Variants in DHRSX observed in about 807,000 individuals in gnomAD.
The protein encoded by DHRSX is polyprenol dehydrogenase.
In DHRSX, 31 loss-of-function variants were observed where a neutral mutation model predicts 34.0. That is an observed-to-expected ratio of 0.91 (90% CI 0.69 to 1.23). The LOEUF is 1.23. DHRSX is among the 50% of genes most tolerant of loss of function. The pLI is 0.00. For missense variants in DHRSX, 414 were observed against 428.1 expected (o/e 0.97, Z 0.29); for synonymous variants, 201 against 183.8 (o/e 1.09, Z -0.76).
chrX:2,358,951 A>G (rs969316742), intron 3 of DHRSX, among the ~76,000 whole-genome samples: 3 of 78,446 alleles, frequency 3.8e-5, no homozygotes, highest in Non-Finnish European at 6.4e-5. Context: ...TCTGTCTCGG[A>G]AAAAAAAAAA....
intron 3 of DHRSX, among the ~76,000 whole-genome samples, chrX:2,359,319 C>G (rs2042897860): frequency 6.6e-6 from 1 of 152,168 alleles, no homozygotes; most frequent in African/African-American, 2.4e-5. Flanking sequence ...GTGGCAGCAC[C>G]TTTCACAATA....
intron 3 of DHRSX, among the ~76,000 whole-genome samples, chrX:2,356,134 G>C (rs2042848761): frequency 6.6e-6 from 1 of 151,568 alleles, no homozygotes; most frequent in Admixed American, 6.6e-5. Context: ...CCAGCACTTT[G>C]GGAGGCCGAG....
chrX:2,241,581 C>G (rs2016142047), intron 6 of DHRSX, among the ~76,000 whole-genome samples: 1 of 152,052 alleles, frequency 6.6e-6, no homozygotes, highest in African/African-American at 2.4e-5. Flanking sequence ...TCTGAGGGTT[C>G]CACAGCCTCT....
At chrX:2,463,192 T>C (rs1221279035) in intron 1 of DHRSX, among the ~76,000 whole-genome samples, 7 of 152,152 alleles carry the variant, frequency 4.6e-5, no homozygotes, top group African/African-American at 1.7e-4. Flanking sequence ...TATTTTATTT[T>C]AGCAGCTCCC....
chrX:2,309,220 G>C (rs1334773462), intron 3 of DHRSX, among the ~76,000 whole-genome samples: 1 of 152,104 alleles, frequency 6.6e-6, no homozygotes, highest in African/African-American at 2.4e-5. Flanking sequence ...GGGTATTTTA[G>C]AAAATTCTTC....
At chrX:2,392,865 AT>A in intron 3 of DHRSX, among the ~76,000 whole-genome samples, 1 of 140,614 alleles carries the variant, frequency 7.1e-6, no homozygotes, top group African/African-American at 2.5e-5. Flanking sequence ...TGTAATATAT[AT>A]TTTATATATA....
intron 4 of DHRSX, among the ~76,000 whole-genome samples, chrX:2,268,062 C>T (rs1440518567): frequency 6.6e-6 from 1 of 152,142 alleles, no homozygotes; most frequent in Non-Finnish European, 1.5e-5. Context: ...ATGGCCTGTC[C>T]TCACCCCTAG....
chrX:2,423,118 T>C (rs1349524019), intron 2 of DHRSX, among the ~76,000 whole-genome samples: 1 of 150,786 alleles, frequency 6.6e-6, no homozygotes, highest in Non-Finnish European at 1.5e-5. Flanking sequence ...AATAACTTTT[T>C]TAAATGAGCC....
At chrX:2,400,423 C>T (rs1028813807) in intron 3 of DHRSX, among the ~76,000 whole-genome samples, 7 of 152,158 alleles carry the variant, frequency 4.6e-5, no homozygotes, top group Non-Finnish European at 1.0e-4. Context: ...ACTTGGAGTT[C>T]TCGCTCTGTT....
chrX:2,491,232 G>C (rs1168631081), intron 1 of DHRSX, among the ~76,000 whole-genome samples: 1 of 152,052 alleles, frequency 6.6e-6, no homozygotes, highest in African/African-American at 2.4e-5. Flanking sequence ...ATCACGCCTG[G>C]CTAATTTTTG....
chrX:2,443,983 C>T (rs28376364), intron 1 of DHRSX, among the ~76,000 whole-genome samples: 5,052 of 142,444 alleles, frequency 0.035, 309 homozygotes, highest in African/African-American at 0.13. Context: ...CCAGCCTGGG[C>T]GACAGAGCGA....
chrX:2,380,686 G>A (rs965085024), intron 3 of DHRSX, among the ~76,000 whole-genome samples: 1 of 152,100 alleles, frequency 6.6e-6, no homozygotes, highest in Non-Finnish European at 1.5e-5. Flanking sequence ...AGGTCTGACA[G>A]TTTAGAAGTG....
intron 1 of DHRSX, among the ~76,000 whole-genome samples, chrX:2,485,519 G>T (rs564701196): frequency 7.2e-6 from 1 of 138,998 alleles, no homozygotes. Flanking sequence ...GAAGGAAAAC[G>T]AAAGAGGAAG....
At chrX:2,318,084 C>A (rs983456971) in intron 3 of DHRSX, among the ~76,000 whole-genome samples, 8 of 151,766 alleles carry the variant, frequency 5.3e-5, no homozygotes, top group Non-Finnish European at 1.2e-4. Flanking sequence ...GTGGCTCATG[C>A]CTGTAATACC....
intron 1 of DHRSX, chrX:2,486,498 C>T (rs1344673747): frequency 6.6e-6 from 1 of 152,142 alleles, no homozygotes; most frequent in Non-Finnish European, 1.5e-5. Flanking sequence ...GGCAACCGTT[C>T]AGGAGGGGAA....
intron 1 of DHRSX, among the ~76,000 whole-genome samples, chrX:2,485,626 G>C (rs1022968148): frequency 1.8e-5 from 2 of 109,722 alleles, no homozygotes; most frequent in Non-Finnish European, 3.8e-5. Flanking sequence ...GAAGGAAGGA[G>C]GGAGGGAGGA....
intron 4 of DHRSX, among the ~76,000 whole-genome samples, chrX:2,267,338 C>T (rs1342332106): frequency 1.3e-5 from 2 of 152,060 alleles, no homozygotes; most frequent in East Asian, 3.9e-4. Flanking sequence ...GAGGTCAGGA[C>T]TTCAAGACCA....
intron 3 of DHRSX, among the ~76,000 whole-genome samples, chrX:2,394,948 C>A (rs2043391071): frequency 6.6e-6 from 1 of 151,304 alleles, no homozygotes; most frequent in South Asian, 2.1e-4. Context: ...GAGTGGTCAG[C>A]ATTACAGGTG....
intron 3 of DHRSX, among the ~76,000 whole-genome samples, chrX:2,378,096 G>A (rs1309652521): frequency 6.6e-6 from 1 of 152,208 alleles, no homozygotes; most frequent in Non-Finnish European, 1.5e-5. Flanking sequence ...GTGCAATAGT[G>A]ACCTGCTGGA....
Sources: allele counts gnomAD v4.1 joint callset (sites outside exome capture counted in the v4.1 genomes callset), GRCh38; gene constraint gnomAD v4.1.1; transcripts MANE v1.5; gene names NCBI Gene and HGNC (gene_info 2026-07-23, HGNC 2026-07-21).